PAMR1: variants seen among roughly 807,000 people sequenced by gnomAD.
The protein encoded by PAMR1 is inactive serine protease PAMR1.
A neutral mutation model predicts 81.8 loss-of-function variants in PAMR1; 88 were observed. The ratio of observed to expected loss-of-function variants is 1.08; its 90% confidence interval spans 0.91 to 1.28. PAMR1 has a LOEUF of 1.28. Among genes scored for constraint, PAMR1 ranks in the 50% most tolerant of loss-of-function variants. PAMR1 has a pLI of 0.00. For missense variants in PAMR1, 935 were observed against 919.7 expected (o/e 1.02, Z -0.21); for synonymous variants, 336 against 345.3 (o/e 0.97, Z 0.30).
chr11:35,517,982 C>T (rs1302767581), intron 1 of PAMR1, among the ~76,000 whole-genome samples: 2 of 152,172 alleles, frequency 1.3e-5, no homozygotes, highest in African/African-American at 2.4e-5. Flanking sequence ...CTCTATTGTA[C>T]AGAAAGAGGA....
intron 6 of PAMR1, among the ~76,000 whole-genome samples, chr11:35,453,982 C>A (rs1024979085): frequency 6.6e-6 from 1 of 152,196 alleles, no homozygotes; most frequent in Admixed American, 6.5e-5. Context: ...ATCAAAGGTG[C>A]ATTTCTCTGG....
intron 1 of PAMR1, among the ~76,000 whole-genome samples, chr11:35,507,961 G>A (rs1376709013): frequency 2.0e-5 from 3 of 152,168 alleles, no homozygotes; most frequent in Non-Finnish European, 2.9e-5. Flanking sequence ...CTGGCTAGGA[G>A]TTCATGCCTG....
At chr11:35,486,361 T>C (rs1795895430) in intron 3 of PAMR1, among the ~76,000 whole-genome samples, 1 of 152,264 alleles carries the variant, frequency 6.6e-6, no homozygotes, top group Admixed American at 6.5e-5. Context: ...ACATTCTATT[T>C]TTTTAACTTT....
At chr11:35,494,497 C>A (rs547630775) in intron 1 of PAMR1, among the ~76,000 whole-genome samples, 1 of 152,184 alleles carries the variant, frequency 6.6e-6, no homozygotes. Context: ...CTACGCCAGG[C>A]TAATTTTTTG....
chr11:35,502,051 C>T (rs933739979), intron 1 of PAMR1, among the ~76,000 whole-genome samples: 1 of 152,096 alleles, frequency 6.6e-6, no homozygotes, highest in Non-Finnish European at 1.5e-5. Flanking sequence ...CAACACTGTA[C>T]CAGGGTCCCT....
In PAMR1 at chr11:35,474,690, G is replaced by T. The variant is rs891962972; in HGVS notation, c.434C>A (p.Pro145His). Residue 145 changes from proline (P) to histidine (H), a missense_variant, in exon 4 of 11, where the codon CCC becomes CAC. Transcript: ENST00000619888. ...GGTCCATTCACAGTGAGCATTTAGGGGATAGCTTTCCAACAAAATCTGACC... is the reference window on the plus strand; with the variant it reads ...GGTCCATTCACAGTGAGCATTTAGGTGATAGCTTTCCAACAAAATCTGACC... Reference protein sequence around the residue: ...PKGQILLESYPLNAHCEWTIH... With the variant: ...PKGQILLESYHLNAHCEWTIH... The T allele has an allele frequency of 6.2e-7, 1 of 1,610,764 alleles. No homozygotes were observed. Among genetic ancestry groups the T allele is most frequent in the Admixed American group, 1.7e-5 (1 of 59,512 alleles).
intron 1 of PAMR1, among the ~76,000 whole-genome samples, chr11:35,508,740 G>A (rs11033154): frequency 0.13 from 20,242 of 151,760 alleles, 1,517 homozygotes; most frequent in East Asian, 0.34. Flanking sequence ...TGTGGAACAC[G>A]TGGATACAAA....
intron 1 of PAMR1, among the ~76,000 whole-genome samples, chr11:35,523,061 T>C (rs1043473260): frequency 2.0e-5 from 3 of 152,156 alleles, no homozygotes; most frequent in East Asian, 1.9e-4. Context: ...AGCTCTCAGA[T>C]TGTATATTAG....
intron 1 of PAMR1, among the ~76,000 whole-genome samples, chr11:35,503,635 A>G (rs1303101707): frequency 6.6e-6 from 1 of 152,026 alleles, no homozygotes; most frequent in East Asian, 1.9e-4. Context: ...CTTTGTAGCT[A>G]TTGTAAGTGG....
At chr11:35,468,335 T>G (rs1205063704) in intron 5 of PAMR1, among the ~76,000 whole-genome samples, 1 of 152,178 alleles carries the variant, frequency 6.6e-6, no homozygotes, top group African/African-American at 2.4e-5. Context: ...CCCAGAAGTA[T>G]GCTTAACGCT....
chr11:35,458,938 C>T (rs1183717181), intron 6 of PAMR1, among the ~76,000 whole-genome samples: 1 of 152,156 alleles, frequency 6.6e-6, no homozygotes, highest in African/African-American at 2.4e-5. Flanking sequence ...AGGTCTTCAC[C>T]AACCAGGAAT....
intron 3 of PAMR1, among the ~76,000 whole-genome samples, chr11:35,486,755 T>C (rs1850517387): frequency 6.6e-6 from 1 of 152,246 alleles, no homozygotes; most frequent in Non-Finnish European, 1.5e-5. Flanking sequence ...GGGTGACTGC[T>C]ATCCTTGTTT....
intron 6 of PAMR1, among the ~76,000 whole-genome samples, chr11:35,453,166 GCA>G (rs1289707370): frequency 6.6e-6 from 1 of 152,188 alleles, no homozygotes; most frequent in East Asian, 1.9e-4. Context: ...AACTGAAATA[GCA>G]CAGTTTCCTT....
At chr11:35,529,780 G>T (rs1386078704), upstream of PAMR1, 1 of 152,144 alleles carries the variant, frequency 6.6e-6, no homozygotes, top group Non-Finnish European at 1.5e-5. Context: ...AAGACAAAGT[G>T]GCATGCTGGG....
intron 8 of PAMR1, among the ~76,000 whole-genome samples, chr11:35,439,297 C>T (rs1005134036): frequency 6.6e-6 from 1 of 152,200 alleles, no homozygotes; most frequent in African/African-American, 2.4e-5. Context: ...TAGAAGCTAC[C>T]ATAACAAGTA....
chr11:35,510,014 C>T (rs1851043789), intron 1 of PAMR1, among the ~76,000 whole-genome samples: 1 of 152,350 alleles, frequency 6.6e-6, no homozygotes, highest in East Asian at 1.9e-4. Flanking sequence ...AGAAAACAAG[C>T]ATATGCCCAT....
chr11:35,471,013 AT>A (rs1856845519), intron 4 of PAMR1, among the ~76,000 whole-genome samples, 195 bp from the exon 5 acceptor site: 1 of 152,196 alleles, frequency 6.6e-6, no homozygotes, highest in Non-Finnish European at 1.5e-5. Context: ...CACTGTTTGC[AT>A]GTATGTGCAC....
At position 35,436,136 on chromosome 11, in the gene PAMR1, C is replaced by T; in HGVS notation, c.1101-1G>A. The T allele has an allele frequency of 6.2e-7, 1 of 1,607,166 alleles. No homozygotes were observed. Among genetic ancestry groups the T allele is most frequent in the Non-Finnish European group, 8.5e-7 (1 of 1,173,916 alleles). On this transcript the variant is annotated splice_acceptor_variant, in intron 8 of 10. Transcript: ENST00000619888. LOFTEE classifies it high-confidence loss of function. ...GTATAGCTGGTGTAATGGTGTCTCC[C>T]TGGGTCAGGAAACATGGGCCCAGAG... is the stretch of plus-strand genomic sequence containing the variant.
At chr11:35,441,288 G>T (rs1332750742) in intron 7 of PAMR1, among the ~76,000 whole-genome samples, 193 bp downstream of exon 7, 1 of 151,252 alleles carries the variant, frequency 6.6e-6, no homozygotes, top group Non-Finnish European at 1.5e-5. Context: ...AGGGAAAGCA[G>T]GTCCTCTTGA....
Sources: gnomAD v4.1 joint callset for allele counts (sites outside exome capture counted in the v4.1 genomes callset) on GRCh38, gnomAD v4.1.1 for gene constraint, MANE v1.5 for transcripts, NCBI Gene and HGNC (gene_info 2026-07-23, HGNC 2026-07-21) for gene names.